ZNF514: variants seen among roughly 807,000 people sequenced by gnomAD.
ZNF514 encodes zinc finger protein 514.
A neutral mutation model predicts 9.7 loss-of-function variants in ZNF514; 12 were observed. That is an observed-to-expected ratio of 1.24 (90% CI 0.79 to 2.01). ZNF514 has a LOEUF of 2.01. Ranked by LOEUF, ZNF514 falls within the 30% of genes most tolerant of loss-of-function variation. ZNF514 has a pLI of 0.00. For missense variants in ZNF514, 467 were observed against 465.5 expected (o/e 1.00, Z -0.03); for synonymous variants, 158 against 163.7 (o/e 0.97, Z 0.27).
the ZNF514 span, among the ~76,000 whole-genome samples, chr2:95,125,284 A>T: frequency 7.3e-6 from 1 of 136,742 alleles, no homozygotes; most frequent in Admixed American, 8.4e-5. Flanking sequence ...TCTGTCGCCC[A>T]GGCTGGAGTA....
chr2:95,152,184 G>A, intron 4 of ZNF514, among the ~76,000 whole-genome samples: 1 of 152,196 alleles, frequency 6.6e-6, no homozygotes, highest in East Asian at 1.9e-4. Context: ...AGCTGTCAAG[G>A]AGTAGTCTTT....
At chr2:95,137,781 C>T in the ZNF514 span, among the ~76,000 whole-genome samples, 1 of 152,306 alleles carries the variant, frequency 6.6e-6, no homozygotes, top group Non-Finnish European at 1.5e-5. Context: ...GATCAAGGCA[C>T]ATACACTTTA....
At chr2:95,144,519 T>A (rs139603075), downstream of ZNF514, among the ~76,000 whole-genome samples, 108 of 152,318 alleles carry the variant, frequency 7.1e-4, no homozygotes, top group African/African-American at 2.6e-3. Flanking sequence ...TTGTCACACA[T>A]CAGTGTGCCA....
At chr2:95,125,035 AT>A in the ZNF514 span, among the ~76,000 whole-genome samples, 9 of 149,154 alleles carry the variant, frequency 6.0e-5, no homozygotes, top group Non-Finnish European at 1.2e-4. Context: ...CTGTGCCACC[AT>A]GCCCAGCTAA....
At chr2:95,144,622 T>G (rs1158758168), downstream of ZNF514, among the ~76,000 whole-genome samples, 2 of 152,190 alleles carry the variant, frequency 1.3e-5, no homozygotes, top group African/African-American at 2.4e-5. Flanking sequence ...CTGGTTCTGA[T>G]TTGTGTCCTT....
At chr2:95,125,946 C>A in the ZNF514 span, among the ~76,000 whole-genome samples, 1 of 152,162 alleles carries the variant, frequency 6.6e-6, no homozygotes, top group African/African-American at 2.4e-5. Flanking sequence ...CTCTTCAAAT[C>A]TCTGCTTTCA....
At chr2:95,129,591 G>C in the ZNF514 span, among the ~76,000 whole-genome samples, 3 of 152,116 alleles carry the variant, frequency 2.0e-5, no homozygotes, top group Admixed American at 1.3e-4. Context: ...TACAGGATAA[G>C]CCTGGATCAC....
At chr2:95,128,570 A>G in the ZNF514 span, among the ~76,000 whole-genome samples, 3 of 151,992 alleles carry the variant, frequency 2.0e-5, no homozygotes, top group African/African-American at 7.3e-5. Context: ...AAAAGAAGAA[A>G]GAAGAAGGAA....
intron 1 of ZNF514, 73 bp from the exon 2 acceptor site, chr2:95,157,512 G>A (rs932053807): frequency 3.5e-6 from 3 of 867,538 alleles, no homozygotes; most frequent in Admixed American, 2.3e-5. Context: ...TCCCAAGCCT[G>A]AGACCCAGAA....
rs746718502 is a variant in ZNF514, at chr2:95,150,240, T to C, written c.245A>G (p.Glu82Gly). The change falls in exon 5 of 5, where the codon GAA (glutamate) becomes GGA (glycine). Residue 82 changes from glutamate to glycine, a missense_variant. Glu to Gly is a moderately conservative substitution (Grantham distance 98, BLOSUM62 -2). Coordinates refer to ENST00000295208, the MANE Select transcript of ZNF514 (RefSeq NM_032788.3). The part of the protein sequence containing the change: ...SDWKRRSKSK[E>G]SMPSWGISKE... Reference sequence around the variant, plus strand: ...GGAAATTCCCCAACTTGGCATTGATTCCTTGGATTTAGACCTTCTCTTCCA... The same window carrying C: ...GGAAATTCCCCAACTTGGCATTGATCCCTTGGATTTAGACCTTCTCTTCCA... 6.3e-7 allele frequency: 1 copy of C among 1,590,570 alleles called. No individual in the cohort carries two copies. Among genetic ancestry groups the C allele is most frequent in the South Asian group, 1.1e-5 (1 of 90,214 alleles).
At chr2:95,130,670 C>T in the ZNF514 span, among the ~76,000 whole-genome samples, 2 of 152,210 alleles carry the variant, frequency 1.3e-5, no homozygotes, top group Non-Finnish European at 2.9e-5. Flanking sequence ...CTGTTCTGCC[C>T]GGCTCACCGG....
the ZNF514 span, among the ~76,000 whole-genome samples, chr2:95,126,769 TTTTTC>T: frequency 1.3e-5 from 2 of 152,168 alleles, no homozygotes; most frequent in Admixed American, 6.5e-5. Context: ...ATTTTCTTTT[TTTTTC>T]TTTTCTTTTT....
At chr2:95,152,871 T>C in intron 3 of ZNF514, 102 bp from the exon 4 acceptor site, 2 of 1,160,852 alleles carry the variant, frequency 1.7e-6, no homozygotes, top group Non-Finnish European at 2.6e-6. Context: ...ATGGAAAGCC[T>C]CCAGAGAACA....
intron 4 of ZNF514, among the ~76,000 whole-genome samples, chr2:95,151,517 T>C (rs1482614604): frequency 6.6e-6 from 1 of 152,346 alleles, no homozygotes; most frequent in East Asian, 1.9e-4. Context: ...GTTGGAACCA[T>C]GTGATACACA....
At chr2:95,125,424 A>G in the ZNF514 span, among the ~76,000 whole-genome samples, 1 of 151,938 alleles carries the variant, frequency 6.6e-6, no homozygotes, top group South Asian at 2.1e-4. Flanking sequence ...TATTTTTAGT[A>G]GAGACAGGTT....
intron 2 of ZNF514, chr2:95,153,889 G>GA (rs1279286911): frequency 6.6e-6 from 1 of 152,166 alleles, no homozygotes; most frequent in African/African-American, 2.4e-5. Context: ...CAAAATAGGT[G>GA]AAAGTAAGTA....
rs1327672285 is a variant in ZNF514, at chr2:95,145,765, A to G, written c.*3517T>C. Among the ~76,000 whole-genome samples the G allele has an allele frequency of 2.6e-5, 4 of 152,212 alleles. No homozygotes were observed. Among genetic ancestry groups the G allele is most frequent in the Admixed American group, 2.6e-4 (4 of 15,270 alleles). On this transcript the variant is annotated 3_prime_UTR_variant, in exon 5 of 5. Coordinates refer to ENST00000295208, the MANE Select transcript of ZNF514 (RefSeq NM_032788.3). ...GTAAAAATGCATGAAACCAAGCTGT[A>G]GCCTGACAGCACAATTGTCTCTTCC...
At chr2:95,142,198 G>C (rs1673250522), downstream of ZNF514, among the ~76,000 whole-genome samples, 2 of 152,048 alleles carry the variant, frequency 1.3e-5, no homozygotes, top group Admixed American at 1.3e-4. Context: ...TATACCATCT[G>C]TCACCAGACC....
At chr2:95,132,909 A>G in the ZNF514 span, among the ~76,000 whole-genome samples, 64 of 150,536 alleles carry the variant, frequency 4.3e-4, no homozygotes, top group African/African-American at 1.5e-3. Context: ...CCTCTACCCT[A>G]CTACGCCTAG....
Sources: allele counts gnomAD v4.1 joint callset (sites outside exome capture counted in the v4.1 genomes callset), GRCh38; gene constraint gnomAD v4.1.1; transcripts MANE v1.5; gene names NCBI Gene and HGNC (gene_info 2026-07-23, HGNC 2026-07-21).